CNTN5: variants seen among roughly 807,000 people sequenced by gnomAD.
CNTN5 encodes contactin-5.
CNTN5 carries 77 observed loss-of-function variants against 129.1 expected under a neutral mutation model. That is an observed-to-expected ratio of 0.60 (90% CI 0.50 to 0.72). CNTN5 has a LOEUF of 0.72. CNTN5 is among the 30% of genes least tolerant of loss of function. CNTN5 has a pLI of 0.00. For synonymous variants in CNTN5, 509 were observed against 465.6 expected (o/e 1.09, Z -1.20); for missense variants, 1,478 against 1,328.8 (o/e 1.11, Z -1.75).
chr11:100,210,336 C>A (rs951619542), intron 15 of CNTN5, among the ~76,000 whole-genome samples: 2 of 123,112 alleles, frequency 1.6e-5, no homozygotes, highest in East Asian at 2.5e-4. Flanking sequence ...GGTGACAGGG[C>A]GAGACTATCT....
chr11:99,662,619 T>C (rs1344934965), intron 3 of CNTN5, among the ~76,000 whole-genome samples: 1 of 152,180 alleles, frequency 6.6e-6, no homozygotes, highest in Non-Finnish European at 1.5e-5. Context: ...ATAATGACAG[T>C]AATAAACCTT....
At chr11:100,036,575 T>G (rs7396069) in intron 9 of CNTN5, among the ~76,000 whole-genome samples, 5 of 130,692 alleles carry the variant, frequency 3.8e-5, no homozygotes, top group African/African-American at 1.3e-4. Flanking sequence ...GCCATTTTCA[T>G]GATATTGATT....
rs78977186 is a variant in CNTN5 at position 99,982,910 on chromosome 11, G to C, written c.878-19124G>C. On this transcript the variant is annotated intron_variant, in intron 8 of 24. Transcript: ENST00000524871. ...CCCACCTCGGCCTCCCAAAGTGCTG[G>C]GATTGCAGGCATGAAAATTTTAATA... Among the ~76,000 whole-genome samples, 32 of 152,184 alleles carry C rather than the reference G, an allele frequency of 2.1e-4. No individual in the cohort carries two copies. In the East Asian group the frequency reaches 6.0e-3, roughly 29 times the overall value.
chr11:99,352,992 C>A (rs1294582451), intron 2 of CNTN5, among the ~76,000 whole-genome samples: 1 of 152,162 alleles, frequency 6.6e-6, no homozygotes, highest in Non-Finnish European at 1.5e-5. Flanking sequence ...CCTTTGAGAG[C>A]CGGGCGGTGA....
intron 1 of CNTN5, among the ~76,000 whole-genome samples, chr11:99,157,482 A>G (rs1370777345): frequency 6.6e-6 from 1 of 152,070 alleles, no homozygotes; most frequent in Non-Finnish European, 1.5e-5. Context: ...TGGTATACAC[A>G]TGTGCAGCAG....
intron 3 of CNTN5, among the ~76,000 whole-genome samples, chr11:99,747,760 C>T (rs918041806): frequency 6.6e-5 from 10 of 152,262 alleles, no homozygotes; most frequent in South Asian, 2.1e-4. Flanking sequence ...GCATGAGCCA[C>T]GGCACCCGGC....
chr11:99,656,574 A>G (rs1845217040), intron 3 of CNTN5, among the ~76,000 whole-genome samples: 1 of 152,158 alleles, frequency 6.6e-6, no homozygotes. Flanking sequence ...CCCATGCACT[A>G]GTTAATGGAC....
chr11:99,690,009 C>G (rs1953973460), intron 3 of CNTN5, among the ~76,000 whole-genome samples: 2 of 152,110 alleles, frequency 1.3e-5, no homozygotes, highest in Admixed American at 1.3e-4. Flanking sequence ...TTGCCCATGC[C>G]TATGTCCTGA....
chr11:100,331,290 C>G (rs1204966224), intron 21 of CNTN5, among the ~76,000 whole-genome samples: 1 of 151,930 alleles, frequency 6.6e-6, no homozygotes, highest in Admixed American at 6.6e-5. Context: ...TATCACAATT[C>G]TAAATATATA....
intron 2 of CNTN5, among the ~76,000 whole-genome samples, chr11:99,385,558 A>C (rs1940875800): frequency 6.6e-6 from 1 of 152,232 alleles, no homozygotes; most frequent in Non-Finnish European, 1.5e-5. Context: ...ATAGGAATGT[A>C]ATCAATAAAG....
chr11:99,699,758 C>A (rs919442985), intron 3 of CNTN5, among the ~76,000 whole-genome samples: 2 of 151,360 alleles, frequency 1.3e-5, no homozygotes, highest in African/African-American at 2.4e-5. Context: ...ACACTCTAAC[C>A]CCATAAAGAG....
At chr11:99,205,498 T>C (rs1859435000) in intron 1 of CNTN5, among the ~76,000 whole-genome samples, 1 of 152,132 alleles carries the variant, frequency 6.6e-6, no homozygotes, top group Non-Finnish European at 1.5e-5. Context: ...TGGATCACCG[T>C]CTCAAATTAC....
chr11:100,245,527 C>T (rs1939696), intron 16 of CNTN5, among the ~76,000 whole-genome samples: 3,751 of 152,048 alleles, frequency 0.025, 156 homozygotes, highest in African/African-American at 0.084. Flanking sequence ...GGGGTTAAGT[C>T]CTTATACCAC....
intron 2 of CNTN5, among the ~76,000 whole-genome samples, chr11:99,404,899 A>G (rs1808245734): frequency 6.6e-6 from 1 of 152,130 alleles, no homozygotes; most frequent in Admixed American, 6.6e-5. Flanking sequence ...CTTATAGGAC[A>G]GGTCTGGTGT....
chr11:100,141,975 G>A (rs1433246520), intron 13 of CNTN5, among the ~76,000 whole-genome samples: 2 of 151,916 alleles, frequency 1.3e-5, no homozygotes, highest in African/African-American at 4.8e-5. Context: ...AATTGGCTGG[G>A]GTCCTGGATA....
chr11:99,819,731 T>A lies in CNTN5; in HGVS notation c.243T>A (p.Asn81Lys). The A allele has an allele frequency of 6.2e-7, 1 of 1,607,902 alleles. No homozygotes were observed. Among genetic ancestry groups the A allele is most frequent in the Non-Finnish European group, 8.5e-7 (1 of 1,177,414 alleles). Residue 81 changes from asparagine to lysine, a missense_variant, in exon 4 of 25, where the codon AAT becomes AAA. Coordinates refer to ENST00000524871, the MANE Select transcript of CNTN5 (RefSeq NM_014361.4). ...GAAQNYYSPINLYHSSDAFKQ... is the reference protein window; with the variant it reads ...GAAQNYYSPIKLYHSSDAFKQ... ...CTCAGAATTATTATTCCCCCATCAA[T>A]CTTTATCATTCCTCAGATGCCTTCA...
intron 3 of CNTN5, among the ~76,000 whole-genome samples, chr11:99,586,290 A>C (rs554656048): frequency 6.6e-6 from 1 of 152,300 alleles, no homozygotes; most frequent in Admixed American, 6.5e-5. Flanking sequence ...TGGTGAGATG[A>C]TAAATCTCAA....
At chr11:100,292,025 A>C (rs1950993786) in intron 18 of CNTN5, among the ~76,000 whole-genome samples, 2 of 152,052 alleles carry the variant, frequency 1.3e-5, no homozygotes, top group South Asian at 4.1e-4. Flanking sequence ...AGGTATTTAA[A>C]AATTCCAGTT....
chr11:100,247,347 T>C (rs1163475109), intron 16 of CNTN5, among the ~76,000 whole-genome samples: 1 of 152,132 alleles, frequency 6.6e-6, no homozygotes, highest in Non-Finnish European at 1.5e-5. Flanking sequence ...AAATTGCTTT[T>C]GGAAAAAAAG....
Sources: gnomAD v4.1 joint callset for allele counts (sites outside exome capture counted in the v4.1 genomes callset) on GRCh38, gnomAD v4.1.1 for gene constraint, MANE v1.5 for transcripts, NCBI Gene and HGNC (gene_info 2026-07-23, HGNC 2026-07-21) for gene names.